Variants in NARS2 observed in about 807,000 individuals in gnomAD.
The protein encoded by NARS2 is asparaginyl-tRNA synthetase.
A neutral mutation model predicts 62.9 loss-of-function variants in NARS2; 60 were observed. The ratio of observed to expected loss-of-function variants is 0.95; its 90% CI spans 0.77 to 1.18. The LOEUF is 1.18. NARS2 is among the 50% of genes most tolerant of loss of function. The pLI is 0.00. For synonymous variants in NARS2, 196 were observed against 200.0 expected (o/e 0.98, Z 0.17); for missense variants, 619 against 576.4 (o/e 1.07, Z -0.76).
chr11:78,533,044 G>C (rs543811888), intron 5 of NARS2: 11 of 152,200 alleles, frequency 7.2e-5, no homozygotes, highest in African/African-American at 2.4e-4. Context: ...TGGATTCTGG[G>C]CCTCTTGATT....
At chr11:78,571,716 T>A in intron 1 of NARS2, 1 of 299,040 alleles carries the variant, frequency 3.3e-6, no homozygotes, top group Non-Finnish European at 6.4e-6. Flanking sequence ...CTAATTCATA[T>A]AATCAATCCT....
intron 6 of NARS2, among the ~76,000 whole-genome samples, chr11:78,526,809 G>A (rs1861311589): frequency 6.6e-6 from 1 of 152,066 alleles, no homozygotes; most frequent in African/African-American, 2.4e-5. Context: ...TGAGGGATGA[G>A]ACACCTTGCT....
At chr11:78,436,893 C>T (rs1352033592) in intron 13 of NARS2, 79 bp from the exon 14 acceptor site, 101 of 1,423,714 alleles carry the variant, frequency 7.1e-5, no homozygotes, top group Middle Eastern at 1.8e-4. Flanking sequence ...ATGTTTCAAA[C>T]GTATTTTGCA....
intron 6 of NARS2, among the ~76,000 whole-genome samples, chr11:78,498,890 CTTTTTTTTTTT>C (rs35157157): frequency 1.6e-5 from 1 of 62,276 alleles, no homozygotes; most frequent in South Asian, 1.1e-3. Context: ...CATCCTCAGT[CTTTTTTTTTTT>C]TTTTTTTTTT....
At chr11:78,554,508 C>CGCGTGTGTGTGTGTGTGTGTGTGTGT (rs1555041422) in intron 5 of NARS2, among the ~76,000 whole-genome samples, 1 of 146,914 alleles carries the variant, frequency 6.8e-6, no homozygotes, top group Non-Finnish European at 1.5e-5. Context: ...GGCGTGTGTG[C>CGCGTGTGTGTGTGTGTGTGTGTGTGT]GTGTGTGTGT....
At chr11:78,507,279 A>G (rs1860538780) in intron 6 of NARS2, among the ~76,000 whole-genome samples, 1 of 151,382 alleles carries the variant, frequency 6.6e-6, no homozygotes, top group African/African-American at 2.4e-5. Context: ...AACTGCATAT[A>G]TGGGGAAAAT....
chr11:78,463,155 C>T (rs1264168892), intron 11 of NARS2, among the ~76,000 whole-genome samples: 1 of 152,164 alleles, frequency 6.6e-6, no homozygotes. Context: ...GCCTCGAGTT[C>T]CTAGGCTCCA....
Position 78,466,095 on chromosome 11 carries a change from A to G in NARS2, c.1027-82T>C, listed in dbSNP as rs115456691. On this transcript the variant is annotated intron_variant, in intron 10 of 13. Coordinates refer to ENST00000281038, the MANE Select transcript of NARS2 (RefSeq NM_024678.6). Reference sequence around the variant, plus strand: ...AAGCAGCTGAAAATAACCTGCATCAATTCTAAGGGCTTCATCTTCCTGAGG... The same window carrying G: ...AAGCAGCTGAAAATAACCTGCATCAGTTCTAAGGGCTTCATCTTCCTGAGG... 4,698 of 1,404,168 alleles carry G rather than the reference A, an allele frequency of 3.3e-3. 98 individuals are homozygous for G. In the African/African-American group the frequency reaches 0.056, roughly 17 times the overall value. 87.0% of individuals were successfully genotyped at this position (1,404,168 alleles called of 1,614,324 possible).
intron 6 of NARS2, among the ~76,000 whole-genome samples, chr11:78,527,556 G>A (rs1861335198): frequency 6.6e-6 from 1 of 152,132 alleles, no homozygotes. Flanking sequence ...TTACTTTCAA[G>A]ACCATCTTTA....
intron 5 of NARS2, among the ~76,000 whole-genome samples, chr11:78,547,359 G>A (rs1855920121): frequency 6.6e-6 from 1 of 151,960 alleles, no homozygotes; most frequent in Non-Finnish European, 1.5e-5. Context: ...TCTCAACACA[G>A]GACCCAATAC....
At chr11:78,574,264 C>G in intron 1 of NARS2, 84 bp downstream of exon 1, 1 of 1,569,246 alleles carries the variant, frequency 6.4e-7, no homozygotes, top group Non-Finnish European at 8.8e-7. Context: ...TGTGTCTGAC[C>G]CGACTGTAAA....
intron 5 of NARS2, among the ~76,000 whole-genome samples, chr11:78,554,662 A>G (rs1167328834): frequency 1.3e-5 from 2 of 152,096 alleles, no homozygotes; most frequent in African/African-American, 2.4e-5. Context: ...CAGCTGAAGG[A>G]GCTTTTGGGC....
intron 4 of NARS2, among the ~76,000 whole-genome samples, chr11:78,564,240 G>C (rs2135529176): frequency 6.6e-6 from 1 of 152,236 alleles, no homozygotes; most frequent in East Asian, 1.9e-4. Flanking sequence ...CTCCTGCCCA[G>C]GCTGGAGTTC....
At chr11:78,546,912 A>T (rs1439994529) in intron 5 of NARS2, among the ~76,000 whole-genome samples, 1 of 152,248 alleles carries the variant, frequency 6.6e-6, no homozygotes, top group Non-Finnish European at 1.5e-5. Flanking sequence ...TAAAAAGTGA[A>T]GCACTACTTG....
At chr11:78,537,334 C>T (rs1855395602) in intron 5 of NARS2, among the ~76,000 whole-genome samples, 2 of 152,204 alleles carry the variant, frequency 1.3e-5, no homozygotes, top group African/African-American at 2.4e-5. Context: ...GAGATAAAGT[C>T]CTCAGACAGA....
chr11:78,444,046 A>C (rs1443537018), intron 11 of NARS2: 1 of 187,454 alleles, frequency 5.3e-6, no homozygotes, highest in Non-Finnish European at 1.1e-5. Flanking sequence ...TCAGTACCAG[A>C]AAATTACATT....
intron 6 of NARS2, among the ~76,000 whole-genome samples, chr11:78,512,747 T>C (rs1860763084): frequency 6.6e-6 from 1 of 152,206 alleles, no homozygotes; most frequent in Non-Finnish European, 1.5e-5. Context: ...TATATGAGAC[T>C]ATCTCATATT....
chr11:78,449,239 T>C (rs1328284659), intron 11 of NARS2, among the ~76,000 whole-genome samples: 7 of 150,680 alleles, frequency 4.6e-5, no homozygotes, highest in African/African-American at 2.4e-5. Flanking sequence ...CGGTTCATGC[T>C]ATTCTCCTGC....
intron 5 of NARS2, among the ~76,000 whole-genome samples, chr11:78,541,986 C>T (rs1422478714): frequency 1.3e-5 from 2 of 152,174 alleles, no homozygotes; most frequent in Non-Finnish European, 2.9e-5. Flanking sequence ...AGGTCTTTCA[C>T]TAATCTAAAA....
Sources: gnomAD v4.1 joint callset for allele counts (sites outside exome capture counted in the v4.1 genomes callset) on GRCh38, gnomAD v4.1.1 for gene constraint, MANE v1.5 for transcripts, NCBI Gene and HGNC (gene_info 2026-07-23, HGNC 2026-07-21) for gene names.